The following NUP160 variants were observed in gnomAD, a reference collection of about 807,000 sequenced individuals.
NUP160 encodes the protein nuclear pore complex protein Nup160.
Under a neutral mutation model 196.9 loss-of-function variants are expected in NUP160, and 94 were observed. The ratio of observed to expected loss-of-function variants is 0.48; its 90% CI spans 0.40 to 0.57. The LOEUF is 0.57. Ranked by LOEUF, NUP160 falls within the 20% of genes least tolerant of loss-of-function variation. The probability of loss-of-function intolerance (pLI) is 0.00; values close to 1 mark genes in which losing one functional copy is unlikely to be tolerated. For synonymous variants in NUP160, 605 were observed against 619.7 expected, an observed-to-expected ratio of 0.98 and a Z score of 0.35; for missense variants, 1,638 against 1,748.3, an observed-to-expected ratio of 0.94 and a Z score of 1.13.
chr11:47,834,512 G>T (rs1405983150), intron 7 of NUP160, among the ~76,000 whole-genome samples: 2 of 152,162 alleles, frequency 1.3e-5, no homozygotes, highest in East Asian at 3.9e-4. Context: ...GGAAAAAACT[G>T]CAAGAATGAG....
At chr11:47,836,789 T>C (rs1201748966) in intron 6 of NUP160, 98 bp downstream of exon 6, 6 of 711,340 alleles carry the variant, frequency 8.4e-6, no homozygotes, top group East Asian at 5.0e-5. Flanking sequence ...TCCAAACCAA[T>C]TGATCTAATA....
chr11:47,815,550 G>T (rs1012457383), exon 13 of NUP160: 3 of 1,613,002 alleles, frequency 1.9e-6, no homozygotes, highest in Non-Finnish European at 2.5e-6. Flanking sequence ...AGGGCTTCTT[G>T]ATACTGAAGA....
At chr11:47,787,377 T>G (rs2097665183) in intron 31 of NUP160, among the ~76,000 whole-genome samples, 1 of 151,592 alleles carries the variant, frequency 6.6e-6, no homozygotes, top group Non-Finnish European at 1.5e-5. Context: ...CGTAAGCCAC[T>G]GCACCTGGCT....
At chr11:47,817,342 CTT>C (rs904451058) in intron 11 of NUP160, among the ~76,000 whole-genome samples, 52 of 132,338 alleles carry the variant, frequency 3.9e-4, no homozygotes, top group Non-Finnish European at 4.3e-4. Flanking sequence ...AAGCCAAAAA[CTT>C]TTTTTTTTTT....
chr11:47,794,376 G>A (rs2097669674), intron 27 of NUP160, among the ~76,000 whole-genome samples: 1 of 152,180 alleles, frequency 6.6e-6, no homozygotes, highest in Non-Finnish European at 1.5e-5. Flanking sequence ...TCAGGAGGCT[G>A]AGGCAGGAGA....
At chr11:47,818,311 C>T (rs957161545) in intron 10 of NUP160, among the ~76,000 whole-genome samples, 187 bp from the exon 11 acceptor site, 16 of 152,224 alleles carry the variant, frequency 1.1e-4, no homozygotes, top group African/African-American at 3.6e-4. Flanking sequence ...TTTGAGTCAA[C>T]TAGAGGTACT....
chr11:47,815,180 T>TGC (rs2097683648), intron 13 of NUP160: 2 of 176,418 alleles, frequency 1.1e-5, no homozygotes, highest in South Asian at 3.3e-4. Context: ...ATCACACCAC[T>TGC]GCACTCCAGC....
chr11:47,819,998 A>G (rs1394689233), intron 9 of NUP160, among the ~76,000 whole-genome samples: 1 of 152,180 alleles, frequency 6.6e-6, no homozygotes, highest in Admixed American at 6.5e-5. Flanking sequence ...TGCCATCTAC[A>G]AGGAGTGCTT....
chr11:47,847,989 C>A (rs767599542), intron 1 of NUP160, 30 bp from the exon 2 acceptor site: 2 of 1,546,720 alleles, frequency 1.3e-6, no homozygotes, highest in Non-Finnish European at 1.8e-6. Context: ...AGCCTGCACA[C>A]GCGTCTTCTG....
intron 6 of NUP160, among the ~76,000 whole-genome samples, chr11:47,836,514 T>C (rs1254681674): frequency 6.6e-6 from 1 of 151,900 alleles, no homozygotes; most frequent in African/African-American, 2.4e-5. Flanking sequence ...TTTGAGCAGC[T>C]GAGGTGGGGA....
intron 18 of NUP160, among the ~76,000 whole-genome samples, 192 bp downstream of exon 18, chr11:47,808,204 C>G (rs979684749): frequency 2.0e-5 from 3 of 152,154 alleles, no homozygotes; most frequent in Admixed American, 2.0e-4. Flanking sequence ...TCACTTGAAC[C>G]TGGGAGGCGG....
At chr11:47,844,290 C>T (rs1852359019) in intron 2 of NUP160, among the ~76,000 whole-genome samples, 1 of 152,156 alleles carries the variant, frequency 6.6e-6, no homozygotes, top group Non-Finnish European at 1.5e-5. Flanking sequence ...GCAGTCAAAG[C>T]AATCCTTTAG....
At chr11:47,824,008 C>CATATATATATAT (rs58246222) in intron 7 of NUP160, among the ~76,000 whole-genome samples, 4 of 73,130 alleles carry the variant, frequency 5.5e-5, no homozygotes, top group African/African-American at 6.3e-5. Context: ...AATTCTTTTG[C>CATATATATATAT]ATATATATAT....
chr11:47,819,153 A>G lies in NUP160; in HGVS notation c.1362+221T>C, dbSNP rs531044786. Among the ~76,000 whole-genome samples the G allele has an allele frequency of 2.0e-5, 3 of 152,058 alleles. No individual in the cohort carries two copies. In the South Asian group the frequency reaches 6.2e-4, roughly 32 times the overall value. ...ACATGGTGAAACCCCGTCTCTACAA[A>G]AGTACAAAAATTAGCTGGGTGTGGT... On this transcript the variant is annotated intron_variant, in intron 10 of 35. Coordinates refer to ENST00000378460, the Ensembl canonical transcript of NUP160.
In NUP160 at chr11:47,822,060, T is replaced by C. The variant is rs773493540; in HGVS notation, c.1179+27A>G. ...AATACTTCTTTTTCTTGTACTTATG[T>C]GATATGCAAAGGATGAATCAACCTA... On this transcript the variant is annotated intron_variant, in intron 8 of 35. Transcript: ENST00000378460. 6 of 1,434,916 alleles carry C rather than the reference T, an allele frequency of 4.2e-6. No homozygotes were observed. The Admixed American group carries it at 7.0e-5, about 17-fold the overall frequency. 88.9% of individuals were successfully genotyped at this position (1,434,916 alleles called of 1,614,324 possible). A position where few individuals can be genotyped will look rare whatever the true frequency, so the allele number is the denominator to read the frequency against.
chr11:47,784,305 T>C (rs2097663277), intron 33 of NUP160, among the ~76,000 whole-genome samples: 8 of 152,134 alleles, frequency 5.3e-5, no homozygotes, highest in Admixed American at 5.2e-4. Flanking sequence ...TAAGAACCCG[T>C]TTTTGATTTT....
Position 47,798,033 on chromosome 11 carries a change from T to C in NUP160, c.3128A>G (p.Glu1043Gly), listed in dbSNP as rs771598949. 3 of 1,578,638 alleles carry C rather than the reference T, an allele frequency of 1.9e-6. No homozygotes were observed. The highest frequency in any genetic ancestry group is 1.5e-5 in the African/African-American group (1 of 68,520). Reference sequence around the variant, plus strand: ...TACAAGATCCTGTAGCTGTGAGCGTTCACAAAGAACTACCACCAACTGCCG... The same window carrying C: ...TACAAGATCCTGTAGCTGTGAGCGTCCACAAAGAACTACCACCAACTGCCG... The change falls in exon 26 of 36, where the codon GAA becomes GGA. Residue 1043 changes from glutamate to glycine, a missense_variant. Glu to Gly is a moderately conservative substitution (Grantham distance 98, BLOSUM62 -2). Transcript: ENST00000378460.
intron 13 of NUP160, among the ~76,000 whole-genome samples, chr11:47,813,854 G>A (rs1168611729): frequency 3.3e-5 from 5 of 151,774 alleles, no homozygotes; most frequent in South Asian, 2.1e-4. Context: ...GGTGGATCAC[G>A]AGGTCAGGGG....
At chr11:47,825,824 T>C (rs1851955478) in intron 7 of NUP160, among the ~76,000 whole-genome samples, 1 of 152,206 alleles carries the variant, frequency 6.6e-6, no homozygotes, top group African/African-American at 2.4e-5. Flanking sequence ...CCTCAGGTGA[T>C]CTGCCCACCT....
Sources: gnomAD v4.1 joint callset for allele counts (sites outside exome capture counted in the v4.1 genomes callset) on GRCh38, gnomAD v4.1.1 for gene constraint, MANE v1.5 for transcripts, NCBI Gene and HGNC (gene_info 2026-07-23, HGNC 2026-07-21) for gene names.